The following PTPRO variants were observed in gnomAD, a reference collection of about 807,000 sequenced individuals.
PTPRO encodes the protein receptor-type tyrosine-protein phosphatase O.
Under a neutral mutation model 145.2 loss-of-function variants are expected in PTPRO, and 62 were observed. That is an observed-to-expected ratio of 0.43 (90% confidence interval 0.35 to 0.53). The LOEUF (loss-of-function observed/expected upper bound fraction) is 0.53, where lower values mean the gene tolerates loss of function less well. Among genes scored for constraint, PTPRO ranks in the 20% least tolerant of loss-of-function variants. The pLI is 0.01. For synonymous variants in PTPRO, 565 were observed against 514.7 expected (o/e 1.10, Z -1.32); for missense variants, 1,345 against 1,482.7 (o/e 0.91, Z 1.53).
At chr12:15,548,456 G>A (rs146317325) in intron 13 of PTPRO, among the ~76,000 whole-genome samples, 20 of 152,134 alleles carry the variant, frequency 1.3e-4, no homozygotes, top group African/African-American at 4.6e-4. Flanking sequence ...ATGAGTATAT[G>A]TGTATGTGTG....
At chr12:15,430,464 C>G (rs1448888998) in intron 1 of PTPRO, among the ~76,000 whole-genome samples, 1 of 152,006 alleles carries the variant, frequency 6.6e-6, no homozygotes, top group Non-Finnish European at 1.5e-5. Context: ...ATTGAGAGTA[C>G]AGAAGGGTTC....
intron 1 of PTPRO, among the ~76,000 whole-genome samples, chr12:15,474,785 G>A (rs949593130): frequency 6.6e-6 from 1 of 152,102 alleles, no homozygotes; most frequent in African/African-American, 2.4e-5. Flanking sequence ...TTCTCAGCAG[G>A]GATTACATGC....
At chr12:15,435,505 G>T (rs1444252316) in intron 1 of PTPRO, among the ~76,000 whole-genome samples, 2 of 151,370 alleles carry the variant, frequency 1.3e-5, no homozygotes, top group African/African-American at 4.9e-5. Flanking sequence ...TGTTCTTTTG[G>T]CATTTGGGCT....
At chr12:15,454,101 A>G (rs1941114864) in intron 1 of PTPRO, among the ~76,000 whole-genome samples, 1 of 152,208 alleles carries the variant, frequency 6.6e-6, no homozygotes, top group Non-Finnish European at 1.5e-5. Context: ...CCTAGAAATA[A>G]GATTGCTGGA....
At chr12:15,341,222 G>A (rs1866971598) in intron 1 of PTPRO, among the ~76,000 whole-genome samples, 1 of 152,090 alleles carries the variant, frequency 6.6e-6, no homozygotes. Flanking sequence ...ATTTGCCCAA[G>A]GATATGTTAT....
At position 15,578,193 on chromosome 12, in the gene PTPRO, T is replaced by C. The variant is rs1418237506; in HGVS notation, c.2830-660T>C. Among the ~76,000 whole-genome samples the C allele has an allele frequency of 2.0e-5, 3 of 152,186 alleles. No individual in the cohort carries two copies. The East Asian group carries it at 5.8e-4, about 29-fold the overall frequency. ...CTCATTCCTCACTATTTTTTACTAC[T>C]TTCTCTAAGGCTCATTGCCTACAAG... On this transcript the variant is annotated intron_variant, in intron 19 of 26. Transcript: ENST00000281171.
intron 1 of PTPRO, among the ~76,000 whole-genome samples, chr12:15,368,831 T>C (rs1938440949): frequency 6.6e-6 from 1 of 152,220 alleles, no homozygotes; most frequent in Admixed American, 6.5e-5. Flanking sequence ...AGTGCTTAAG[T>C]GGACCTGTTA....
chr12:15,365,872 T>TA (rs543015146), intron 1 of PTPRO, among the ~76,000 whole-genome samples: 3 of 152,142 alleles, frequency 2.0e-5, no homozygotes, highest in East Asian at 1.9e-4. Context: ...GTAGGCAATA[T>TA]AAAAAATATG....
At chr12:15,407,729 A>G (rs1292051743) in intron 1 of PTPRO, among the ~76,000 whole-genome samples, 2 of 152,250 alleles carry the variant, frequency 1.3e-5, no homozygotes, top group African/African-American at 2.4e-5. Flanking sequence ...TGAGCAATAT[A>G]AAATTTTTAA....
chr12:15,538,470 G>C (rs577125015), intron 12 of PTPRO, among the ~76,000 whole-genome samples: 1 of 152,216 alleles, frequency 6.6e-6, no homozygotes, highest in South Asian at 2.1e-4. Flanking sequence ...TGATCTGCCC[G>C]CAAGTGCCTC....
intron 16 of PTPRO, among the ~76,000 whole-genome samples, 182 bp from the exon 17 acceptor site, chr12:15,560,011 T>C (rs1297567721): frequency 2.0e-5 from 3 of 152,152 alleles, no homozygotes; most frequent in Non-Finnish European, 2.9e-5. Flanking sequence ...ATTTTGTCAA[T>C]ATTGTAGCAT....
At chr12:15,582,348 C>T (rs908032213) in intron 23 of PTPRO, among the ~76,000 whole-genome samples, 5 of 152,228 alleles carry the variant, frequency 3.3e-5, no homozygotes, top group Non-Finnish European at 7.3e-5. Flanking sequence ...ACACCTACAC[C>T]ACCACCACCA....
chr12:15,360,283 G>C (rs1013551988), intron 1 of PTPRO, among the ~76,000 whole-genome samples: 4 of 152,102 alleles, frequency 2.6e-5, no homozygotes, highest in Admixed American at 6.6e-5. Context: ...CTGACAAATT[G>C]TAGGTGTTCA....
chr12:15,458,113 G>A (rs1014471219), intron 1 of PTPRO, among the ~76,000 whole-genome samples: 2 of 152,066 alleles, frequency 1.3e-5, no homozygotes, highest in African/African-American at 4.8e-5. Flanking sequence ...TTGAATGATG[G>A]TGTTGGCCAT....
intron 1 of PTPRO, among the ~76,000 whole-genome samples, chr12:15,418,033 CT>C (rs1450227725): frequency 1.3e-5 from 2 of 151,696 alleles, no homozygotes; most frequent in Non-Finnish European, 2.9e-5. Context: ...ACATAAGAAG[CT>C]TGTGCCAAAA....
chr12:15,520,214 T>C lies in PTPRO; in HGVS notation c.1793T>C (p.Leu598Pro). Reference sequence around the variant, plus strand: ...TTTCTCATTCAGAGAATAGCTAATCTGCTGCCAGCATGGTACTACAACTTC... The same window carrying C: ...TTTCTCATTCAGAGAATAGCTAATCCGCTGCCAGCATGGTACTACAACTTC... ...SLTASVRIAN[L>P]LPAWYYNFRV... The change falls in exon 10 of 27, where the codon CTG becomes CCG. Residue 598 changes from leucine to proline, a missense_variant. Leu to Pro is a moderately conservative substitution (Grantham distance 98). Around this residue, in one of 3 missense-constraint regions of PTPRO, gnomAD observed 1,130 missense variants for 1,214.7 expected, o/e 0.93. Coordinates refer to ENST00000281171, the MANE Select transcript of PTPRO (RefSeq NM_030667.3). 6.2e-7 allele frequency: 1 copy of C among 1,613,598 alleles called. No individual in the cohort carries two copies. The highest frequency in any genetic ancestry group is 8.5e-7 in the Non-Finnish European group (1 of 1,179,524).
rs1251861052 is a variant in PTPRO at position 15,445,537 on chromosome 12, T to C, written c.76-38437T>C. Among the ~76,000 whole-genome samples the C allele has an allele frequency of 3.9e-5, 6 of 152,202 alleles. No individual in the cohort carries two copies. In the East Asian group the frequency reaches 1.2e-3, roughly 29 times the overall value. On this transcript the variant is annotated intron_variant, in intron 1 of 26. Coordinates refer to ENST00000281171, the MANE Select transcript of PTPRO (RefSeq NM_030667.3). Reference sequence around the variant, plus strand: ...TTTTTAAAGCATTATGTGTCAAAAATGTATTTGGTTGAGTGTCATCAATTT... The same window carrying C: ...TTTTTAAAGCATTATGTGTCAAAAACGTATTTGGTTGAGTGTCATCAATTT...
chr12:15,569,599 CA>C, intron 19 of PTPRO, 101 bp downstream of exon 19: 1 of 1,048,088 alleles, frequency 9.5e-7, no homozygotes. Flanking sequence ...CAGTGCGTAA[CA>C]AAAAGGGTAT....
intron 1 of PTPRO, among the ~76,000 whole-genome samples, chr12:15,462,679 T>C (rs1941332144): frequency 6.6e-6 from 1 of 152,202 alleles, no homozygotes; most frequent in Admixed American, 6.5e-5. Flanking sequence ...GTTGATTAAA[T>C]AATAATAAGC....
Sources: allele counts gnomAD v4.1 joint callset (sites outside exome capture counted in the v4.1 genomes callset), GRCh38; gene constraint gnomAD v4.1.1; regional missense constraint gnomAD v4.1.1; transcripts MANE v1.5; gene names NCBI Gene and HGNC (gene_info 2026-07-23, HGNC 2026-07-21).